The following INPP4B variants were observed in gnomAD, a reference collection of about 807,000 sequenced individuals.
INPP4B encodes the protein inositol polyphosphate 4-phosphatase type II.
Under a neutral mutation model 122.5 loss-of-function variants are expected in INPP4B, and 55 were observed. The observed-to-expected ratio is 0.45, with a 90% CI of 0.36 to 0.56. The LOEUF (loss-of-function observed/expected upper bound fraction) is 0.56. Among genes scored for constraint, INPP4B ranks in the 20% least tolerant of loss-of-function variants. The pLI, the probability that INPP4B is intolerant of heterozygous loss-of-function variation, is 0.00. For synonymous variants in INPP4B, 403 were observed against 388.7 expected, an observed-to-expected ratio of 1.04 and a Z score of -0.43; for missense variants, 1,000 against 1,097.7, an observed-to-expected ratio of 0.91 and a Z score of 1.26.
At chr4:142,241,676 T>A (rs1479696426) in intron 11 of INPP4B, among the ~76,000 whole-genome samples, 1 of 152,122 alleles carries the variant, frequency 6.6e-6, no homozygotes, top group Non-Finnish European at 1.5e-5. Flanking sequence ...TCAAGTAACC[T>A]TGGGGCAGAA....
intron 3 of INPP4B, among the ~76,000 whole-genome samples, chr4:142,447,902 G>A (rs1229759369): frequency 6.6e-6 from 1 of 152,062 alleles, no homozygotes; most frequent in Non-Finnish European, 1.5e-5. Flanking sequence ...TTTCTATTAA[G>A]ACAAAGAAAC....
At chr4:142,615,174 C>T (rs906179197) in intron 2 of INPP4B, among the ~76,000 whole-genome samples, 1 of 152,074 alleles carries the variant, frequency 6.6e-6, no homozygotes, top group Non-Finnish European at 1.5e-5. Flanking sequence ...GTATGACTGA[C>T]TATGTACCGA....
chr4:142,592,329 C>T (rs1303371554), intron 2 of INPP4B, among the ~76,000 whole-genome samples: 1 of 152,116 alleles, frequency 6.6e-6, no homozygotes, highest in Non-Finnish European at 1.5e-5. Context: ...TTCGACTTCA[C>T]TATTTTAAGA....
chr4:142,220,922 C>A (rs1455533053), intron 12 of INPP4B, among the ~76,000 whole-genome samples: 1 of 152,026 alleles, frequency 6.6e-6, no homozygotes, highest in Non-Finnish European at 1.5e-5. Flanking sequence ...GGATTAGGGC[C>A]CACCCTAATG....
At chr4:142,792,087 TA>T (rs1190802585) in intron 1 of INPP4B, among the ~76,000 whole-genome samples, 2 of 152,124 alleles carry the variant, frequency 1.3e-5, no homozygotes, top group East Asian at 1.9e-4. Context: ...TATTTTCTTT[TA>T]AAAAAATAAA....
At chr4:142,514,223 C>T (rs1359157849) in intron 2 of INPP4B, 1 of 152,130 alleles carries the variant, frequency 6.6e-6, no homozygotes, top group African/African-American at 2.4e-5. Context: ...AATAAGCAAA[C>T]CTTCAAATGC....
chr4:142,536,953 T>A (rs1176838646), intron 2 of INPP4B, among the ~76,000 whole-genome samples: 2 of 151,998 alleles, frequency 1.3e-5, no homozygotes, highest in Non-Finnish European at 2.9e-5. Flanking sequence ...CGTGCTAGCA[T>A]ACCCAGCTAA....
intron 11 of INPP4B, among the ~76,000 whole-genome samples, chr4:142,244,143 C>T (rs539134064): frequency 3.3e-4 from 50 of 150,996 alleles, no homozygotes; most frequent in Admixed American, 5.3e-4. Context: ...CTCCCACTTA[C>T]GAGTGAGAAC....
intron 23 of INPP4B, among the ~76,000 whole-genome samples, chr4:142,101,590 G>A (rs1205997705): frequency 6.6e-6 from 1 of 152,122 alleles, no homozygotes; most frequent in East Asian, 1.9e-4. Flanking sequence ...ACAGTATGGA[G>A]AGTCCAACAG....
chr4:142,433,787 C>T (rs1262660079), intron 3 of INPP4B, among the ~76,000 whole-genome samples: 2 of 152,086 alleles, frequency 1.3e-5, no homozygotes, highest in Non-Finnish European at 2.9e-5. Flanking sequence ...ATTGCAGGTA[C>T]AGGAGATTGG....
chr4:142,415,562 A>C (rs1284495406), intron 5 of INPP4B, among the ~76,000 whole-genome samples: 1 of 152,028 alleles, frequency 6.6e-6, no homozygotes, highest in Non-Finnish European at 1.5e-5. Flanking sequence ...GTGGGACTGT[A>C]AACTAGTTCA....
chr4:142,600,901 A>G (rs1739746548), intron 2 of INPP4B, among the ~76,000 whole-genome samples: 1 of 152,192 alleles, frequency 6.6e-6, no homozygotes, highest in African/African-American at 2.4e-5. Context: ...TATTTAAATC[A>G]GATAAAGCAG....
chr4:142,233,187 T>C (rs567056959), intron 12 of INPP4B, among the ~76,000 whole-genome samples: 4 of 150,456 alleles, frequency 2.7e-5, no homozygotes, highest in South Asian at 4.2e-4. Flanking sequence ...TATGCATGTG[T>C]GTGTGTCTGT....
In INPP4B at chr4:142,504,700, G is replaced by A. The variant is rs1225189854; in HGVS notation, c.-190-41974C>T. On this transcript the variant is annotated intron_variant, in intron 2 of 25. Coordinates refer to ENST00000262992, the MANE Select transcript of INPP4B (RefSeq NM_001101669.3). ...AATGAGAGCTTTACCAGTTGATCTA[G>A]AAGTATTTTCATACTATATTGTTGA... Among the ~76,000 whole-genome samples, 3 of 152,120 alleles carry A rather than the reference G, an allele frequency of 2.0e-5. No individual in the cohort carries two copies. The East Asian group carries it at 5.8e-4, about 29-fold the overall frequency.
At chr4:142,174,802 A>T (rs867236173) in intron 15 of INPP4B, among the ~76,000 whole-genome samples, 51 of 151,770 alleles carry the variant, frequency 3.4e-4, no homozygotes, top group African/African-American at 9.4e-4. Flanking sequence ...ATTAAAAAAA[A>T]ATTTTTTCAT....
At chr4:142,803,171 CAAA>C (rs574677089) in intron 1 of INPP4B, among the ~76,000 whole-genome samples, 2 of 82,848 alleles carry the variant, frequency 2.4e-5, no homozygotes. Flanking sequence ...GACTACGTCT[CAAA>C]AAAAAAAAAA....
rs1304378321 is a variant in INPP4B, at chr4:142,027,356, T to C, written c.*1426A>G. Reference sequence around the variant, plus strand: ...GCTATGGGAAGCATAATATCATCCATTGATCATAGCTAAGAGAGGGCTTAA... The same window carrying C: ...GCTATGGGAAGCATAATATCATCCACTGATCATAGCTAAGAGAGGGCTTAA... On this transcript the variant is annotated 3_prime_UTR_variant, in exon 26 of 26. Coordinates refer to ENST00000262992, the MANE Select transcript of INPP4B (RefSeq NM_001101669.3). 3 of 152,206 alleles carry C rather than the reference T, an allele frequency of 2.0e-5. No homozygotes were observed. The highest frequency in any genetic ancestry group is 1.3e-4 in the Admixed American group (2 of 15,276). 9.4% of individuals were successfully genotyped at this position (152,206 alleles called of 1,614,324 possible).
At chr4:142,450,903 G>GA (rs111996424) in intron 3 of INPP4B, among the ~76,000 whole-genome samples, 4,474 of 151,804 alleles carry the variant, frequency 0.029, 246 homozygotes, top group African/African-American at 0.1. Flanking sequence ...AGAAAAAAAG[G>GA]AGGAGGACTA....
In INPP4B at chr4:142,398,434, ATATATATATAT is replaced by A. The variant is rs1245960814; in HGVS notation, c.372+4493_372+4503del. ...TATATATATATATATATATATATATATATATATATATAAAACATATTAAACATAGTGCTTGG... is the reference window on the plus strand; with the variant it reads ...TATATATATATATATATATATATATAAAAACATATTAAACATAGTGCTTGG... On this transcript the variant is annotated intron_variant, in intron 7 of 25. Coordinates refer to ENST00000262992, the MANE Select transcript of INPP4B (RefSeq NM_001101669.3). Among the ~76,000 whole-genome samples the A allele has an allele frequency of 5.7e-3, 483 of 84,784 alleles. 16 individuals are homozygous for A. The highest frequency in any genetic ancestry group is 0.019 in the African/African-American group (462 of 24,852). The allele number at this position is 84,784 out of a possible 152,430, so 55.6% of individuals were successfully genotyped here. A position where few individuals can be genotyped will look rare whatever the true frequency, so the allele number is the denominator to read the frequency against.
Sources: allele counts gnomAD v4.1 joint callset (sites outside exome capture counted in the v4.1 genomes callset), GRCh38; gene constraint gnomAD v4.1.1; transcripts MANE v1.5; gene names NCBI Gene and HGNC (gene_info 2026-07-23, HGNC 2026-07-21).